The following BTBD16 variants were observed in gnomAD, a reference collection of about 807,000 sequenced individuals.
The protein encoded by BTBD16 is BTB domain containing 16.
In BTBD16, 66 loss-of-function variants were observed where a neutral mutation model predicts 67.4. The ratio of observed to expected loss-of-function variants is 0.98; its 90% confidence interval spans 0.80 to 1.20. BTBD16 has a LOEUF of 1.20. BTBD16 is among the 50% of genes most tolerant of loss of function. The probability of loss-of-function intolerance (pLI) is 0.00; values close to 1 mark genes in which losing one functional copy is unlikely to be tolerated. For missense variants in BTBD16, 634 were observed against 616.0 expected (o/e 1.03, Z -0.31); for synonymous variants, 242 against 236.4 (o/e 1.02, Z -0.22).
chr10:122,276,222 C>T (rs2096340248), intron 2 of BTBD16, among the ~76,000 whole-genome samples: 1 of 152,140 alleles, frequency 6.6e-6, no homozygotes, highest in Admixed American at 6.5e-5. Flanking sequence ...GACATGGGAA[C>T]AGGGAGTGAC....
At position 122,298,988 on chromosome 10, in the gene BTBD16, C is replaced by CA. The variant is rs1564981094; in HGVS notation, c.661-16_661-15insA. The CA allele has an allele frequency of 6.2e-6, 10 of 1,611,806 alleles. No individual in the cohort carries two copies. Among genetic ancestry groups the CA allele is most frequent in the African/African-American group, 1.3e-5 (1 of 74,834 alleles). ...GCTCAGGACTTCCTTCATCAACTGG[C>CA]TTTTTTTTGTCTTAGTACAAGGAAG... On this transcript the variant is annotated splice_polypyrimidine_tract_variant and intron_variant, in intron 8 of 15. Coordinates refer to ENST00000260723, the MANE Select transcript of BTBD16 (RefSeq NM_144587.5).
chr10:122,281,938 G>A (rs1321371237), intron 3 of BTBD16, among the ~76,000 whole-genome samples: 2 of 152,172 alleles, frequency 1.3e-5, no homozygotes, highest in Non-Finnish European at 1.5e-5. Flanking sequence ...ACCAAGCATT[G>A]CAATGGGACC....
intron 9 of BTBD16, among the ~76,000 whole-genome samples, chr10:122,306,980 T>G (rs1174658592): frequency 6.6e-6 from 1 of 152,170 alleles, no homozygotes; most frequent in Non-Finnish European, 1.5e-5. Flanking sequence ...CAGGCCCTAG[T>G]GTCAGGCTGC....
intron 7 of BTBD16, chr10:122,291,761 A>G (rs186859413): frequency 1.3e-5 from 2 of 152,334 alleles, no homozygotes; most frequent in East Asian, 1.9e-4. Context: ...TGCAAAGATC[A>G]AAGTTAAAAT....
chr10:122,304,519 A>G lies in BTBD16; in HGVS notation c.792-2670A>G, dbSNP rs373112330. On this transcript the variant is annotated intron_variant, in intron 9 of 15. Coordinates refer to ENST00000260723, the MANE Select transcript of BTBD16 (RefSeq NM_144587.5). Reference sequence around the variant, plus strand: ...AGGGGGTTGGGAGATAGCCACACTTACAGAGCTGACATTACGGGGTAGCAG... The same window carrying G: ...AGGGGGTTGGGAGATAGCCACACTTGCAGAGCTGACATTACGGGGTAGCAG... Among the ~76,000 whole-genome samples, 13 of 151,030 alleles carry G rather than the reference A, an allele frequency of 8.6e-5. No individual in the cohort carries two copies. The East Asian group carries it at 2.0e-3, about 23-fold the overall frequency.
intron 8 of BTBD16, 149 bp downstream of exon 8, chr10:122,297,986 G>GTTCA: frequency 3.0e-6 from 2 of 672,872 alleles, no homozygotes; most frequent in Non-Finnish European, 5.0e-6. Context: ...GAACACATTT[G>GTTCA]TGTGTTTTTT....
At chr10:122,300,860 C>T (rs2096392525) in intron 9 of BTBD16, among the ~76,000 whole-genome samples, 1 of 152,134 alleles carries the variant, frequency 6.6e-6, no homozygotes, top group Non-Finnish European at 1.5e-5. Flanking sequence ...AGGGTTTACT[C>T]ATGTGTATGT....
In BTBD16 at chr10:122,336,582, A is replaced by G. The variant is rs984244456; in HGVS notation, c.1352A>G (p.Glu451Gly). ...CGAGCGGCACGCCTGGTGAAGTATG[A>G]GATCAGAGCAGAGGCCCTGGTTGAC... ...SLRAARLVKYEIRAEALVDGK... is the reference protein window; with the variant it reads ...SLRAARLVKYGIRAEALVDGK... The change falls in exon 15 of 16, where the codon GAG becomes GGG. Residue 451 changes from glutamate to glycine, a missense_variant. Glu to Gly is a moderately conservative substitution (Grantham distance 98). Transcript: ENST00000260723. 1.2e-6 allele frequency: 2 copies of G among 1,613,288 alleles called. No individual in the cohort carries two copies. Among genetic ancestry groups the G allele is most frequent in the Non-Finnish European group, 1.7e-6 (2 of 1,179,770 alleles).
At chr10:122,283,706 C>G in intron 3 of BTBD16, 145 bp from the exon 4 acceptor site, 1 of 643,846 alleles carries the variant, frequency 1.6e-6, no homozygotes, top group Non-Finnish European at 2.7e-6. Flanking sequence ...AAATGGTGAC[C>G]TGAGGAAACT....
At chr10:122,314,658 A>G (rs1170757170) in intron 10 of BTBD16, among the ~76,000 whole-genome samples, 1 of 152,024 alleles carries the variant, frequency 6.6e-6, no homozygotes, top group Non-Finnish European at 1.5e-5. Context: ...TTTATATTCT[A>G]ATTGTTTGGT....
chr10:122,275,186 G>C, intron 2 of BTBD16, 87 bp downstream of exon 2: 1 of 1,344,234 alleles, frequency 7.4e-7, no homozygotes, highest in Non-Finnish European at 1.1e-6. Context: ...AAGGGGCTGG[G>C]TTCTGCACCA....
Position 122,276,823 on chromosome 10 carries a change from C to T in BTBD16, c.51C>T (p.Gly17=). 1.2e-6 allele frequency: 2 copies of T among 1,614,270 alleles called. No individual in the cohort carries two copies. Among genetic ancestry groups the T allele is most frequent in the Non-Finnish European group, 1.7e-6 (2 of 1,180,038 alleles). The part of the protein sequence containing the change: ...HKARLERRVT[G]STNRWRLPKQ... ...CTCGGCTGGAACGCCGGGTCACTGG[C>T]TCAACCAACCGGTGGCGTTTGCCCA... Residue 17 remains glycine (G), a synonymous_variant, in exon 3 of 16, where the codon GGC becomes GGT. Coordinates refer to ENST00000260723, the MANE Select transcript of BTBD16 (RefSeq NM_144587.5).
At chr10:122,277,070 G>A (rs1453750972) in intron 3 of BTBD16, 131 bp downstream of exon 3, 6 of 1,074,960 alleles carry the variant, frequency 5.6e-6, no homozygotes, top group Non-Finnish European at 7.8e-6. Flanking sequence ...GCTCCCTCTG[G>A]AGCCAGCTCT....
At chr10:122,294,330 C>T (rs1226430665) in intron 7 of BTBD16, among the ~76,000 whole-genome samples, 3 of 152,232 alleles carry the variant, frequency 2.0e-5, no homozygotes, top group African/African-American at 7.2e-5. Context: ...CTCAGCTGAG[C>T]TCCCAGGCAG....
At chr10:122,285,133 C>G (rs567503104) in intron 4 of BTBD16, among the ~76,000 whole-genome samples, 3 of 152,202 alleles carry the variant, frequency 2.0e-5, no homozygotes, top group South Asian at 4.2e-4. Flanking sequence ...ATGGCAAAAT[C>G]AAGAAATACG....
chr10:122,307,103 C>T, intron 9 of BTBD16, 86 bp from the exon 10 acceptor site: 1 of 1,478,766 alleles, frequency 6.8e-7, no homozygotes, highest in South Asian at 1.4e-5. Context: ...CACCTCATTC[C>T]CAAACTCATT....
chr10:122,336,710 A>C (rs1330084567), intron 15 of BTBD16, 28 bp downstream of exon 15: 4 of 1,541,368 alleles, frequency 2.6e-6, no homozygotes, highest in East Asian at 4.7e-5. Flanking sequence ...CTTTTCCTTT[A>C]TTTCCTTTTT....
chr10:122,309,275 T>G (rs954710670), intron 10 of BTBD16, among the ~76,000 whole-genome samples: 3 of 152,026 alleles, frequency 2.0e-5, no homozygotes, highest in Non-Finnish European at 4.4e-5. Context: ...TACAAGAGCA[T>G]GTAGCCACAT....
chr10:122,317,890 T>C (rs561267443), intron 10 of BTBD16, among the ~76,000 whole-genome samples: 27 of 152,134 alleles, frequency 1.8e-4, no homozygotes, highest in Non-Finnish European at 2.9e-4. Flanking sequence ...ACTTTTTTTT[T>C]ATAAGTAGAA....
Sources: gnomAD v4.1 joint callset for allele counts (sites outside exome capture counted in the v4.1 genomes callset) on GRCh38, gnomAD v4.1.1 for gene constraint, MANE v1.5 for transcripts, NCBI Gene and HGNC (gene_info 2026-07-23, HGNC 2026-07-21) for gene names.